XKR9: variants seen among roughly 807,000 people sequenced by gnomAD.
The protein encoded by XKR9 is XK-related protein 9.
A neutral mutation model predicts 32.0 loss-of-function variants in XKR9; 32 were observed. The ratio of observed to expected loss-of-function variants is 1.00; its 90% CI spans 0.76 to 1.34. XKR9 has a LOEUF of 1.34. Among genes scored for constraint, XKR9 ranks in the 40% most tolerant of loss-of-function variants. The pLI is 0.00. For synonymous variants in XKR9, 168 were observed against 143.4 expected, an observed-to-expected ratio of 1.17 and a Z score of -1.22; for missense variants, 546 against 429.7, an observed-to-expected ratio of 1.27 and a Z score of -2.39.
the XKR9 span, among the ~76,000 whole-genome samples, chr8:70,811,355 A>G: frequency 6.6e-6 from 1 of 152,224 alleles, no homozygotes; most frequent in Non-Finnish European, 1.5e-5. Context: ...TCTACAATTG[A>G]CACCCTAACA....
At chr8:70,801,785 G>T in the XKR9 span, among the ~76,000 whole-genome samples, 1 of 152,106 alleles carries the variant, frequency 6.6e-6, no homozygotes, top group Non-Finnish European at 1.5e-5. Context: ...CTATTATTCT[G>T]TGGTTATCTG....
At chr8:70,720,274 T>G (rs113842824) in intron 4 of XKR9, among the ~76,000 whole-genome samples, 7 of 152,220 alleles carry the variant, frequency 4.6e-5, no homozygotes, top group African/African-American at 1.7e-4. Flanking sequence ...TGTCTTCCCA[T>G]TTGAATACCC....
the XKR9 span, among the ~76,000 whole-genome samples, chr8:71,060,695 G>GA: frequency 5.3e-5 from 8 of 151,742 alleles, no homozygotes; most frequent in African/African-American, 1.4e-4. Context: ...GCATGCCCTA[G>GA]AAAAAAAACA....
chr8:70,807,408 T>C, the XKR9 span, among the ~76,000 whole-genome samples: 1 of 152,092 alleles, frequency 6.6e-6, no homozygotes, highest in Non-Finnish European at 1.5e-5. Flanking sequence ...AATTCACTCA[T>C]AACAATACTA....
chr8:70,967,263 G>A, the XKR9 span, among the ~76,000 whole-genome samples: 61 of 151,988 alleles, frequency 4.0e-4, no homozygotes, highest in African/African-American at 1.4e-3. Context: ...TAGAGACGGG[G>A]TTTCACCGTG....
the XKR9 span, among the ~76,000 whole-genome samples, chr8:70,809,106 G>A: frequency 5.3e-5 from 8 of 152,158 alleles, no homozygotes; most frequent in Admixed American, 3.3e-4. Flanking sequence ...ACTTCCAGGG[G>A]AACGATCAGG....
chr8:70,999,921 G>A, the XKR9 span, among the ~76,000 whole-genome samples: 1 of 152,268 alleles, frequency 6.6e-6, no homozygotes, highest in African/African-American at 2.4e-5. Context: ...CTTCTCACCA[G>A]AACCTTGCAT....
At chr8:70,813,229 T>A in the XKR9 span, among the ~76,000 whole-genome samples, 1 of 152,232 alleles carries the variant, frequency 6.6e-6, no homozygotes, top group South Asian at 2.1e-4. Context: ...CTGGGAAAAC[T>A]GGCTAGCCAT....
chr8:71,027,379 A>C, the XKR9 span, among the ~76,000 whole-genome samples: 3 of 147,850 alleles, frequency 2.0e-5, no homozygotes. Flanking sequence ...ATTTTAGATA[A>C]TATATATAAT....
intron 4 of XKR9, among the ~76,000 whole-genome samples, chr8:70,708,393 A>G (rs565694409): frequency 1.1e-4 from 16 of 152,118 alleles, no homozygotes; most frequent in Non-Finnish European, 2.2e-4. Context: ...TTCTTGAAGT[A>G]GGAAATTGAG....
the XKR9 span, among the ~76,000 whole-genome samples, chr8:70,852,101 A>G: frequency 9.2e-5 from 14 of 152,136 alleles, no homozygotes; most frequent in Admixed American, 2.0e-4. Context: ...AAAACAAACA[A>G]TCCCATCAAA....
chr8:70,823,339 G>A, the XKR9 span, among the ~76,000 whole-genome samples: 1 of 152,136 alleles, frequency 6.6e-6, no homozygotes, highest in East Asian at 1.9e-4. Flanking sequence ...TCTGATCACT[G>A]CAATTTGCAT....
At chr8:70,945,672 A>T in the XKR9 span, among the ~76,000 whole-genome samples, 1 of 152,034 alleles carries the variant, frequency 6.6e-6, no homozygotes, top group Non-Finnish European at 1.5e-5. Flanking sequence ...TTATTATCTT[A>T]TTTACAGTGT....
In XKR9 at chr8:70,698,756, T is replaced by C. The variant is rs1465916542; in HGVS notation, c.273-8177T>C. ...GGGTATCCTCGTTAACTTTCTGTCT[T>C]GTTGATCTGTCTAATGTTGACAGTG... On this transcript the variant is annotated intron_variant, in intron 3 of 4. Transcript: ENST00000408926. Among the ~76,000 whole-genome samples, 6 of 152,236 alleles carry C rather than the reference T, an allele frequency of 3.9e-5. No individual in the cohort carries two copies. In the East Asian group the frequency reaches 7.7e-4, roughly 20 times the overall value.
intron 2 of XKR9, among the ~76,000 whole-genome samples, chr8:70,754,499 A>G (rs1344931538): frequency 7.0e-6 from 1 of 141,940 alleles, no homozygotes; most frequent in African/African-American, 2.5e-5. Context: ...GCATCACGCT[A>G]CCTGACTTCA....
the XKR9 span, among the ~76,000 whole-genome samples, chr8:70,985,107 G>A: frequency 2.0e-5 from 3 of 152,056 alleles, no homozygotes; most frequent in Non-Finnish European, 4.4e-5. Flanking sequence ...TTTTTACAAA[G>A]CAAAATGATA....
chr8:70,919,891 A>G, the XKR9 span, among the ~76,000 whole-genome samples: 2 of 152,352 alleles, frequency 1.3e-5, no homozygotes, highest in Admixed American at 1.3e-4. Flanking sequence ...CTTCCTTCAT[A>G]GTTTTTTGCA....
chr8:70,904,993 G>C, the XKR9 span, among the ~76,000 whole-genome samples: 4 of 152,212 alleles, frequency 2.6e-5, no homozygotes, highest in Non-Finnish European at 5.9e-5. Flanking sequence ...GAGATCAGCT[G>C]TTAGTCTGAT....
the XKR9 span, among the ~76,000 whole-genome samples, chr8:70,954,234 T>C: frequency 7.2e-5 from 11 of 152,110 alleles, no homozygotes; most frequent in Middle Eastern, 3.2e-3. Context: ...CCCTTAAATC[T>C]TGTTCCCAGC....
Sources: gnomAD v4.1 joint callset for allele counts (sites outside exome capture counted in the v4.1 genomes callset) on GRCh38, gnomAD v4.1.1 for gene constraint, MANE v1.5 for transcripts, NCBI Gene and HGNC (gene_info 2026-07-23, HGNC 2026-07-21) for gene names.